Variants in SPTBN4 observed in about 807,000 individuals in gnomAD.
SPTBN4 encodes the protein spectrin beta, non-erythrocytic 4.
In SPTBN4, 96 loss-of-function variants were observed where a neutral mutation model predicts 277.8. That is an observed-to-expected ratio of 0.35 (90% confidence interval 0.29 to 0.41). The LOEUF is 0.41. Ranked by LOEUF, SPTBN4 falls within the 10% of genes least tolerant of loss-of-function variation. SPTBN4 has a pLI of 1.00. For synonymous variants in SPTBN4, 1,481 were observed against 1,580.3 expected, an observed-to-expected ratio of 0.94 and a Z score of 1.49; for missense variants, 3,006 against 3,595.7, an observed-to-expected ratio of 0.84 and a Z score of 4.19.
At chr19:40,574,064 T>C (rs1341432406) in intron 35 of SPTBN4, among the ~76,000 whole-genome samples, 2 of 152,072 alleles carry the variant, frequency 1.3e-5, no homozygotes, top group African/African-American at 2.4e-5. Context: ...ATTGCGCCAC[T>C]GCACTCCAGC....
chr19:40,532,573 G>T (rs763165284), intron 18 of SPTBN4, 52 bp from the exon 19 acceptor site: 15 of 1,575,132 alleles, frequency 9.5e-6, no homozygotes, highest in Non-Finnish European at 1.2e-5. Flanking sequence ...GGGATGGGGG[G>T]CTGTGGCAGG....
chr19:40,534,331 C>T lies in SPTBN4; in HGVS notation c.4347C>T (p.Leu1449=). The T allele has an allele frequency of 1.2e-6, 2 of 1,613,334 alleles. No individual in the cohort carries two copies. The highest frequency in any genetic ancestry group is 2.2e-5 in the East Asian group (1 of 44,882). The part of the protein sequence containing the change: ...GGDLATVNSQ[L]KKLQSMESQV... ...ACCTGGCCACTGTCAACAGTCAGCT[C>T]AAGAAGCTGCAGGTATGGTCTTCCT... Residue 1449 remains leucine (L), a synonymous_variant, in exon 20 of 36, where the codon CTC becomes CTT. Coordinates refer to ENST00000598249, the MANE Select transcript of SPTBN4 (RefSeq NM_020971.3).
chr19:40,570,170 G>C (rs1482019150), intron 32 of SPTBN4, among the ~76,000 whole-genome samples: 1 of 151,254 alleles, frequency 6.6e-6, no homozygotes, highest in Admixed American at 6.6e-5. Flanking sequence ...GTGGGGACAC[G>C]CCCTGCTTGC....
chr19:40,557,866 C>A (rs569631746), intron 26 of SPTBN4, among the ~76,000 whole-genome samples: 2 of 146,898 alleles, frequency 1.4e-5, no homozygotes, highest in South Asian at 4.3e-4. Flanking sequence ...TGCAGTGAGC[C>A]CAGATCTCGC....
rs368076001 is a variant in SPTBN4 at position 40,565,271 on chromosome 19, AAAAAG to A, written c.5916-128_5916-124del. The A allele has an allele frequency of 0.15, 146,086 of 977,540 alleles. 8,417 individuals carry two copies. The highest frequency in any genetic ancestry group is 0.17 in the Non-Finnish European group (111,579 of 667,378). 60.6% of individuals were successfully genotyped at this position (977,540 alleles called of 1,614,324 possible). Reference sequence around the variant, plus strand: ...TAGGGTGAGACTTTATCTCAAAAAAAAAAAGAAAAGAAAAGAAAAGAAAAGAAAGT... The same window carrying A: ...TAGGGTGAGACTTTATCTCAAAAAAAAAAAGAAAAGAAAAGAAAAGAAAGT... On this transcript the variant is annotated intron_variant, in intron 27 of 35. Transcript: ENST00000598249.
chr19:40,483,994 T>C (rs1218973433), intron 2 of SPTBN4, among the ~76,000 whole-genome samples: 1 of 152,202 alleles, frequency 6.6e-6, no homozygotes, highest in Non-Finnish European at 1.5e-5. Context: ...GAACGATGGC[T>C]TGAGCCTGGG....
chr19:40,530,020 A>G (rs1453845463), intron 18 of SPTBN4, among the ~76,000 whole-genome samples: 1 of 151,922 alleles, frequency 6.6e-6, no homozygotes, highest in Non-Finnish European at 1.5e-5. Flanking sequence ...CCCCTCCCCC[A>G]TAACTGGGGT....
chr19:40,482,755 A>G (rs2080026759), intron 2 of SPTBN4, among the ~76,000 whole-genome samples: 1 of 151,588 alleles, frequency 6.6e-6, no homozygotes, highest in African/African-American at 2.4e-5. Context: ...TGAGGTTGGG[A>G]GTTCGAGACC....
chr19:40,566,227 G>A lies in SPTBN4; in HGVS notation c.6204G>A (p.Glu2068=), dbSNP rs1289898949. 4 of 1,555,482 alleles carry A rather than the reference G, an allele frequency of 2.6e-6. No homozygotes were observed. Among genetic ancestry groups the A allele is most frequent in the Non-Finnish European group, 3.5e-6 (4 of 1,149,182 alleles). The change falls in exon 30 of 36, where the codon GAG becomes GAA. Residue 2068 remains glutamate (E), a synonymous_variant. Transcript: ENST00000598249. ...VVADAWLTAQ[E]PLLQSRELGS... ...CTGATGCCTGGCTGACAGCCCAGGA[G>A]CCGCTCCTGCAGAGCCGGGAGCTGG...
chr19:40,474,107 G>C (rs892065879), intron 2 of SPTBN4, among the ~76,000 whole-genome samples: 1 of 130,732 alleles, frequency 7.6e-6, no homozygotes, highest in East Asian at 2.4e-4. Flanking sequence ...AGTCAAGATC[G>C]CGCCACTGCA....
chr19:40,477,250 T>C (rs2079959837), intron 2 of SPTBN4, among the ~76,000 whole-genome samples: 1 of 151,944 alleles, frequency 6.6e-6, no homozygotes. Context: ...GGTCTCGCAA[T>C]ATTTTCCAGG....
intron 7 of SPTBN4, among the ~76,000 whole-genome samples, chr19:40,501,504 A>G (rs1274105099): frequency 6.6e-6 from 1 of 151,454 alleles, no homozygotes; most frequent in African/African-American, 2.4e-5. Context: ...CCCTGTCTCT[A>G]CTGAAAATAT....
intron 16 of SPTBN4, among the ~76,000 whole-genome samples, chr19:40,520,893 C>G (rs2080519071): frequency 6.6e-6 from 1 of 150,850 alleles, no homozygotes; most frequent in African/African-American, 2.4e-5. Flanking sequence ...GATGCTGACC[C>G]AGTTTGAGGA....
chr19:40,570,147 T>C (rs1165839), intron 32 of SPTBN4, among the ~76,000 whole-genome samples: 89,209 of 150,426 alleles, frequency 0.59, 27,429 homozygotes, highest in African/African-American at 0.65. Context: ...GCCCCAGGTT[T>C]CTCCTGCAGA....
chr19:40,483,860 C>T (rs1015307099), intron 2 of SPTBN4, among the ~76,000 whole-genome samples: 6 of 152,164 alleles, frequency 3.9e-5, no homozygotes, highest in Admixed American at 6.6e-5. Context: ...GGTGACTTCT[C>T]GAGGTCATCT....
chr19:40,525,888 C>G (rs1012543895), intron 17 of SPTBN4, among the ~76,000 whole-genome samples: 8 of 152,200 alleles, frequency 5.3e-5, no homozygotes, highest in Non-Finnish European at 1.2e-4. Flanking sequence ...GGTGTGGTCA[C>G]AGAGGGATTG....
At chr19:40,496,881 T>C (rs1416992389) in intron 6 of SPTBN4, among the ~76,000 whole-genome samples, 4 of 151,796 alleles carry the variant, frequency 2.6e-5, no homozygotes, top group Admixed American at 6.6e-5. Context: ...GAGACCAGCC[T>C]GGCCAACATG....
At position 40,556,138 on chromosome 19, in the gene SPTBN4, G is replaced by A. The variant is rs552777551; in HGVS notation, c.5139G>A (p.Lys1713=). ...TGGACCGCCTGTACGTGGCGCTCAA[G>A]GAGCTGGGTGAGGAGCGCCGGGTGG... ...SQVDRLYVAL[K]ELGEERRVAL... is the part of the protein sequence containing the mutation. The change falls in exon 25 of 36, where the codon AAG becomes AAA. Residue 1713 remains lysine, a synonymous_variant. Coordinates refer to ENST00000598249, the MANE Select transcript of SPTBN4 (RefSeq NM_020971.3). The A allele has an allele frequency of 2.5e-6, 4 of 1,613,076 alleles. No individual in the cohort carries two copies. Among genetic ancestry groups the A allele is most frequent in the Non-Finnish European group, 3.4e-6 (4 of 1,180,026 alleles).
intron 20 of SPTBN4, among the ~76,000 whole-genome samples, chr19:40,538,760 G>A (rs2080766737): frequency 6.6e-6 from 1 of 152,092 alleles, no homozygotes; most frequent in South Asian, 2.1e-4. Flanking sequence ...GATAATTTTT[G>A]TAGTATTTTA....
Sources: gnomAD v4.1 joint callset for allele counts (sites outside exome capture counted in the v4.1 genomes callset) on GRCh38, gnomAD v4.1.1 for gene constraint, MANE v1.5 for transcripts, NCBI Gene and HGNC (gene_info 2026-07-23, HGNC 2026-07-21) for gene names.